Variants in C5orf46 observed in about 807,000 individuals in gnomAD.
C5orf46 encodes the protein chromosome 5 open reading frame 46, also known as uncharacterized protein C5orf46.
Under a neutral mutation model 8.9 loss-of-function variants are expected in C5orf46, and 9 were observed. The observed-to-expected ratio is 1.01, with a 90% CI of 0.61 to 1.76. The LOEUF (loss-of-function observed/expected upper bound fraction) is 1.76, where lower values mean the gene tolerates loss of function less well. C5orf46 is among the 40% of genes most tolerant of loss of function. The probability of loss-of-function intolerance (pLI) is 0.00; values close to 1 mark genes in which losing one functional copy is unlikely to be tolerated. For synonymous variants in C5orf46, 47 were observed against 41.4 expected, an observed-to-expected ratio of 1.14 and a Z score of -0.52; for missense variants, 98 against 107.8, an observed-to-expected ratio of 0.91 and a Z score of 0.40.
chr5:147,893,346 G>A (rs1757530902), intron 3 of C5orf46, among the ~76,000 whole-genome samples: 1 of 139,244 alleles, frequency 7.2e-6, no homozygotes, highest in Non-Finnish European at 1.5e-5. Context: ...TGCAGTGGCT[G>A]TGATCCTGGC....
At chr5:147,901,047 G>A (rs550039825) in intron 2 of C5orf46, among the ~76,000 whole-genome samples, 3 of 152,278 alleles carry the variant, frequency 2.0e-5, no homozygotes, top group South Asian at 4.1e-4. Flanking sequence ...CTCATGTTGA[G>A]AGGTTCTCTA....
At chr5:147,904,194 G>A (rs1257878630) in intron 1 of C5orf46, among the ~76,000 whole-genome samples, 2 of 152,190 alleles carry the variant, frequency 1.3e-5, no homozygotes, top group Admixed American at 1.3e-4. Flanking sequence ...GGAGGCGGAA[G>A]CGGAACTCAT....
chr5:147,896,687 A>T (rs902264302), intron 3 of C5orf46, among the ~76,000 whole-genome samples: 1 of 152,098 alleles, frequency 6.6e-6, no homozygotes, highest in Non-Finnish European at 1.5e-5. Flanking sequence ...CTAGCCCCTC[A>T]TTTCACAGGC....
At chr5:147,897,088 G>A (rs1480850590) in intron 2 of C5orf46, 47 bp from the exon 3 acceptor site, 1 of 943,400 alleles carries the variant, frequency 1.1e-6, no homozygotes, top group African/African-American at 1.6e-5. Context: ...GACTGAACAG[G>A]AGTGTTAGAA....
chr5:147,890,637 C>T (rs530777868), downstream of C5orf46, among the ~76,000 whole-genome samples: 4 of 152,030 alleles, frequency 2.6e-5, no homozygotes, highest in African/African-American at 4.8e-5. Context: ...AGTACAAGAC[C>T]TTAAGAAATG....
chr5:147,892,696 T>C (rs1408005051), downstream of C5orf46: 1 of 152,212 alleles, frequency 6.6e-6, no homozygotes, highest in African/African-American at 2.4e-5. Context: ...AAATTACTAA[T>C]AGCAACACAA....
intron 2 of C5orf46, among the ~76,000 whole-genome samples, chr5:147,899,169 T>C (rs1162554949): frequency 1.3e-5 from 2 of 152,196 alleles, no homozygotes; most frequent in African/African-American, 4.8e-5. Flanking sequence ...CTGACATTTA[T>C]CTTGCTACTC....
At chr5:147,893,118 AAAC>A in intron 3 of C5orf46, among the ~76,000 whole-genome samples, 179 bp from the exon 4 acceptor site, 1 of 152,262 alleles carries the variant, frequency 6.6e-6, no homozygotes, top group Middle Eastern at 3.4e-3. Context: ...TGAGCAACAA[AAAC>A]AACAAAGCAA....
At chr5:147,903,374 A>T (rs1153086) in intron 1 of C5orf46, among the ~76,000 whole-genome samples, 122,402 of 152,142 alleles carry the variant, frequency 0.8, 49,584 homozygotes, top group East Asian at 0.91. Context: ...TATTCATTGC[A>T]TATCAGAAAT....
intron 2 of C5orf46, chr5:147,886,116 T>C (rs1199814219): frequency 2.0e-5 from 3 of 152,154 alleles, no homozygotes; most frequent in Non-Finnish European, 4.4e-5. Flanking sequence ...TATGTAACAT[T>C]CTCAAAATGA....
intron 2 of C5orf46, among the ~76,000 whole-genome samples, chr5:147,900,804 T>C (rs1307594196): frequency 6.6e-6 from 1 of 152,192 alleles, no homozygotes; most frequent in Admixed American, 6.5e-5. Context: ...GCAGTGGAAA[T>C]TGAAAGCACC....
intron 2 of C5orf46, 66 bp from the exon 3 acceptor site, chr5:147,897,107 A>G: frequency 2.8e-6 from 2 of 713,016 alleles, no homozygotes; most frequent in Non-Finnish European, 2.4e-6. Context: ...AATGATCACT[A>G]AGGCGCTGTA....
intron 2 of C5orf46, chr5:147,886,753 C>A (rs1044264945): frequency 6.7e-6 from 1 of 150,172 alleles, no homozygotes; most frequent in Middle Eastern, 3.2e-3. Context: ...TATATTGTTT[C>A]TAATATCTAA....
At chr5:147,899,241 T>C (rs1757630802) in intron 2 of C5orf46, among the ~76,000 whole-genome samples, 1 of 152,182 alleles carries the variant, frequency 6.6e-6, no homozygotes, top group Non-Finnish European at 1.5e-5. Flanking sequence ...TGCAAATTAT[T>C]TGAGGAGAAG....
intron 3 of C5orf46, 126 bp from the exon 4 acceptor site, chr5:147,893,065 G>C (rs1757526436): frequency 1.3e-5 from 2 of 152,100 alleles, no homozygotes; most frequent in Non-Finnish European, 2.9e-5. Flanking sequence ...TAAAATAGAA[G>C]AGGTTTCATA....
intron 1 of C5orf46, among the ~76,000 whole-genome samples, chr5:147,903,773 G>C (rs1041065632): frequency 2.6e-5 from 4 of 151,952 alleles, no homozygotes; most frequent in Non-Finnish European, 5.9e-5. Flanking sequence ...TTTGAAACAG[G>C]GCTTCACTCT....
chr5:147,892,120 GTCTTGTCTTACTGTCCACAGTAAACAAT>G (rs1305512810), downstream of C5orf46, among the ~76,000 whole-genome samples: 2 of 152,182 alleles, frequency 1.3e-5, no homozygotes. Flanking sequence ...TAAGATTTCA[GTCTTGTCTTACTGTCCACAGTAAACAAT>G]TCTGGGAGAT....
rs1169532726 is a variant in C5orf46 at position 147,892,958 on chromosome 5, A to G, written c.*10-19T>C. Reference sequence around the variant, plus strand: ...GTGTGTCCTTTGAAACACAAGCCAAAGAGAGGAAAACAATTACCAAGTAGA... The same window carrying G: ...GTGTGTCCTTTGAAACACAAGCCAAGGAGAGGAAAACAATTACCAAGTAGA... On this transcript the variant is annotated intron_variant, in intron 3 of 3. Coordinates refer to ENST00000318315, the MANE Select transcript of C5orf46 (RefSeq NM_206966.3). The G allele has an allele frequency of 6.6e-6, 1 of 152,240 alleles. No homozygotes were observed. The highest frequency in any genetic ancestry group is 1.5e-5 in the Non-Finnish European group (1 of 68,050). The allele number at this position is 152,240 out of a possible 1,614,324, so 9.4% of individuals were successfully genotyped here. A position where few individuals can be genotyped will look rare whatever the true frequency, so the allele number is the denominator to read the frequency against.
rs1317277368 is a variant in C5orf46 at position 147,896,965 on chromosome 5, A to G, written c.*9+19T>C. Reference sequence around the variant, plus strand: ...CAATACACTGTTATTTCAGTTGTAAATTTTAAGTGAAAAATCACCTGAGGA... The same window carrying G: ...CAATACACTGTTATTTCAGTTGTAAGTTTTAAGTGAAAAATCACCTGAGGA... On this transcript the variant is annotated intron_variant, in intron 3 of 3. Coordinates refer to ENST00000318315, the MANE Select transcript of C5orf46 (RefSeq NM_206966.3). 1 of 1,363,024 alleles carries G rather than the reference A, an allele frequency of 7.3e-7. No individual in the cohort carries two copies. Among genetic ancestry groups the G allele is most frequent in the South Asian group, 1.3e-5 (1 of 79,050 alleles). The allele number at this position is 1,363,024 out of a possible 1,614,324, so 84.4% of individuals were successfully genotyped here.
Sources: allele counts gnomAD v4.1 joint callset (sites outside exome capture counted in the v4.1 genomes callset), GRCh38; gene constraint gnomAD v4.1.1; transcripts MANE v1.5; gene names NCBI Gene and HGNC (gene_info 2026-07-23, HGNC 2026-07-21).